Variants in UMAD1 observed in about 807,000 individuals in gnomAD.
UMAD1 encodes UBAP1-MVB12-associated (UMA)-domain containing protein 1.
A neutral mutation model predicts 6.1 loss-of-function variants in UMAD1; 8 were observed. That is an observed-to-expected ratio of 1.30 (90% CI 0.76 to 2.35). The LOEUF (loss-of-function observed/expected upper bound fraction) is 2.35. UMAD1 is among the 30% of genes most tolerant of loss of function. UMAD1 has a pLI of 0.00. For missense variants in UMAD1, 130 were observed against 78.4 expected (o/e 1.66, Z -2.49); for synonymous variants, 56 against 31.4 (o/e 1.78, Z -2.61).
chr7:7,699,567 G>T (rs543262653), intron 2 of UMAD1, among the ~76,000 whole-genome samples: 9 of 152,264 alleles, frequency 5.9e-5, no homozygotes, highest in African/African-American at 2.2e-4. Context: ...GGTGGTCCCT[G>T]GATGTGATGG....
chr7:7,691,434 G>T (rs937494302), intron 2 of UMAD1, among the ~76,000 whole-genome samples: 1 of 152,180 alleles, frequency 6.6e-6, no homozygotes, highest in Non-Finnish European at 1.5e-5. Context: ...TAAAATGATA[G>T]TTTGTATGAT....
At chr7:7,680,688 A>G (rs917185911) in intron 2 of UMAD1, among the ~76,000 whole-genome samples, 3 of 150,832 alleles carry the variant, frequency 2.0e-5, no homozygotes, top group Non-Finnish European at 3.0e-5. Flanking sequence ...ATATCTTTCC[A>G]TTTTTTTTTA....
At chr7:7,792,665 T>C (rs116073457) in intron 2 of UMAD1, among the ~76,000 whole-genome samples, 1 of 152,330 alleles carries the variant, frequency 6.6e-6, no homozygotes, top group East Asian at 1.9e-4. Flanking sequence ...TAAGATTACA[T>C]GTACGGGCCT....
chr7:7,767,142 T>TTTTTTTTTTTTTTTTTA (rs1583810092), intron 2 of UMAD1, among the ~76,000 whole-genome samples: 1 of 148,590 alleles, frequency 6.7e-6, no homozygotes, highest in Admixed American at 6.7e-5. Flanking sequence ...TTTTTTTTTT[T>TTTTTTTTTTTTTTTTTA]GAGACGGACT....
At chr7:7,686,356 C>T (rs1222119139) in intron 2 of UMAD1, among the ~76,000 whole-genome samples, 1 of 151,928 alleles carries the variant, frequency 6.6e-6, no homozygotes, top group East Asian at 1.9e-4. Flanking sequence ...GAATGTTATC[C>T]CATTGGCAGT....
chr7:7,656,208 G>A (rs1291552500), intron 1 of UMAD1, among the ~76,000 whole-genome samples: 15 of 152,110 alleles, frequency 9.9e-5, no homozygotes, highest in African/African-American at 2.9e-4. Flanking sequence ...TAAAAGCTGC[G>A]TGGTTCTGAG....
chr7:7,871,955 T>C (rs574896433), intron 3 of UMAD1, among the ~76,000 whole-genome samples: 3 of 152,162 alleles, frequency 2.0e-5, no homozygotes, highest in Admixed American at 1.3e-4. Context: ...CCTCAGCTGC[T>C]GGGGAGTCCT....
At chr7:7,864,212 G>A (rs551880306) in intron 3 of UMAD1, among the ~76,000 whole-genome samples, 1 of 152,252 alleles carries the variant, frequency 6.6e-6, no homozygotes, top group South Asian at 2.1e-4. Context: ...TTGATTGATA[G>A]AAATAAGAGT....
In UMAD1 at chr7:7,854,491, C is replaced by T. The variant is rs114949957; in HGVS notation, c.157-22790C>T. Among the ~76,000 whole-genome samples the T allele has an allele frequency of 7.7e-3, 1,165 of 151,920 alleles. 23 individuals carry two copies. The highest frequency in any genetic ancestry group is 0.027 in the African/African-American group (1,114 of 41,418). ...AGGCAGCAGAAGAGAGAATGAGTAC[C>T]AGCAAGGGAAATGCCGGACGCATAT... On this transcript the variant is annotated intron_variant, in intron 3 of 3. Transcript: ENST00000682710.
intron 3 of UMAD1, among the ~76,000 whole-genome samples, chr7:7,846,611 T>C (rs184909932): frequency 1.3e-5 from 2 of 149,336 alleles, no homozygotes; most frequent in Non-Finnish European, 2.9e-5. Context: ...AATTTTGATA[T>C]GTTTTGATGG....
Position 7,877,697 on chromosome 7 carries a change from G to T in UMAD1, c.*159G>T. 2 of 582,302 alleles carry T rather than the reference G, an allele frequency of 3.4e-6. No individual in the cohort carries two copies. The highest frequency in any genetic ancestry group is 2.2e-5 in the South Asian group (1 of 45,696). 36.1% of individuals were successfully genotyped at this position (582,302 alleles called of 1,614,324 possible). ...TTCACTACTCTATTTTTAAGAAAAAGGTACATTTGTATACAAATTGAACTT... is the reference window on the plus strand; with the variant it reads ...TTCACTACTCTATTTTTAAGAAAAATGTACATTTGTATACAAATTGAACTT... On this transcript the variant is annotated 3_prime_UTR_variant, in exon 4 of 4. Transcript: ENST00000682710.
intron 2 of UMAD1, among the ~76,000 whole-genome samples, chr7:7,728,269 G>A (rs549988474): frequency 3.1e-4 from 47 of 152,236 alleles, no homozygotes; most frequent in South Asian, 1.7e-3. Context: ...CCTGGTTCTC[G>A]CTGTTCACAG....
chr7:7,646,511 T>C (rs1785099904), intron 1 of UMAD1, among the ~76,000 whole-genome samples: 1 of 144,436 alleles, frequency 6.9e-6, no homozygotes, highest in African/African-American at 2.6e-5. Flanking sequence ...TTTTTAATTC[T>C]CTCGTCTGAC....
At chr7:7,776,069 A>G (rs999089875) in intron 2 of UMAD1, among the ~76,000 whole-genome samples, 3 of 152,208 alleles carry the variant, frequency 2.0e-5, no homozygotes. Flanking sequence ...CCAAAACAAA[A>G]CTATTTTAAA....
chr7:7,704,586 T>A, intron 2 of UMAD1, among the ~76,000 whole-genome samples: 1 of 135,528 alleles, frequency 7.4e-6, no homozygotes, highest in African/African-American at 2.9e-5. Flanking sequence ...AAACCCTGTC[T>A]CTACTAAAAT....
intron 1 of UMAD1, among the ~76,000 whole-genome samples, chr7:7,662,439 G>A (rs1785498001): frequency 6.6e-6 from 1 of 152,198 alleles, no homozygotes. Context: ...CAGGTCCGTG[G>A]TGGCATAGGC....
rs117602125 is a variant in UMAD1, at chr7:7,684,782, C to T, written c.82+11329C>T. ...ACCCGTAAACTTTTCAAACCAACAT[C>T]TGAGGTACCTTTTAAAAATCAGACT... is the stretch of plus-strand genomic sequence containing the variant. On this transcript the variant is annotated intron_variant, in intron 2 of 3. Coordinates refer to ENST00000682710, the MANE Select transcript of UMAD1 (RefSeq NM_001302348.2). Among the ~76,000 whole-genome samples the T allele has an allele frequency of 2.2e-3, 341 of 152,312 alleles. 4 individuals are homozygous for T. The highest frequency in any genetic ancestry group is 4.3e-3 in the South Asian group (21 of 4,832).
intron 2 of UMAD1, among the ~76,000 whole-genome samples, chr7:7,778,436 C>CTT (rs149658210): frequency 1.4e-5 from 2 of 146,754 alleles, no homozygotes; most frequent in Non-Finnish European, 1.5e-5. Flanking sequence ...TCTTTCTTTT[C>CTT]TTTTTTTTTT....
At chr7:7,728,542 G>A (rs1203716429) in intron 2 of UMAD1, among the ~76,000 whole-genome samples, 1 of 151,980 alleles carries the variant, frequency 6.6e-6, no homozygotes, top group Non-Finnish European at 1.5e-5. Flanking sequence ...TACTCAGGAG[G>A]CTAAGGCAGG....
Sources: gnomAD v4.1 joint callset for allele counts (sites outside exome capture counted in the v4.1 genomes callset) on GRCh38, gnomAD v4.1.1 for gene constraint, MANE v1.5 for transcripts, NCBI Gene and HGNC (gene_info 2026-07-23, HGNC 2026-07-21) for gene names.